BLTP1: variants seen among roughly 807,000 people sequenced by gnomAD.
BLTP1 encodes fragile site-associated protein.
chr4:122,193,829 C>A, the BLTP1 span: 1 of 166,900 alleles, frequency 6.0e-6, no homozygotes, highest in Non-Finnish European at 1.2e-5. Context: ...TGCCATCTAG[C>A]TAGCATTATT....
chr4:122,237,207 C>T, the BLTP1 span: 7 of 985,232 alleles, frequency 7.1e-6, no homozygotes, highest in Admixed American at 6.1e-5. Flanking sequence ...TTGGCTAAAA[C>T]AGGGATGGTA....
chr4:122,250,506 A>G, the BLTP1 span: 4 of 1,613,858 alleles, frequency 2.5e-6, no homozygotes, highest in Non-Finnish European at 3.4e-6. Context: ...GTCTCTGATG[A>G]TAATCTTCCA....
At chr4:122,201,157 GATTT>G in the BLTP1 span, 1 of 1,509,330 alleles carries the variant, frequency 6.6e-7, no homozygotes, top group Non-Finnish European at 9.1e-7. Flanking sequence ...AATACAGTGA[GATTT>G]ATCACAGTGA....
the BLTP1 span, among the ~76,000 whole-genome samples, chr4:122,287,909 A>G: frequency 2.0e-5 from 3 of 152,324 alleles, no homozygotes; most frequent in Admixed American, 1.3e-4. Flanking sequence ...ACTATTATTA[A>G]TGTTCCATTT....
chr4:122,359,779 G>C, the BLTP1 span: 1 of 1,522,468 alleles, frequency 6.6e-7, no homozygotes, highest in East Asian at 2.4e-5. Context: ...TGAGCAAAAA[G>C]TTATGAATAA....
chr4:122,319,944 ATGT>A, the BLTP1 span, among the ~76,000 whole-genome samples: 1 of 152,070 alleles, frequency 6.6e-6, no homozygotes, highest in African/African-American at 2.4e-5. Flanking sequence ...TGTTATTATG[ATGT>A]TGTTAGATGA....
chr4:122,275,882 G>C, the BLTP1 span: 1 of 1,323,306 alleles, frequency 7.6e-7, no homozygotes, highest in East Asian at 2.8e-5. Flanking sequence ...AAGCTTTCCA[G>C]ATGATTGGTC....
chr4:122,164,661 T>C, the BLTP1 span, among the ~76,000 whole-genome samples: 18 of 152,148 alleles, frequency 1.2e-4, no homozygotes, highest in Non-Finnish European at 1.9e-4. Context: ...GATGTGACTA[T>C]ATAGAATTTT....
At chr4:122,262,543 G>A in the BLTP1 span, among the ~76,000 whole-genome samples, 6 of 152,250 alleles carry the variant, frequency 3.9e-5, no homozygotes, top group African/African-American at 1.2e-4. Context: ...GATAATAAAA[G>A]TGGCTCTTTG....
chr4:122,275,924 T>C, the BLTP1 span: 4 of 1,495,812 alleles, frequency 2.7e-6, no homozygotes, highest in Non-Finnish European at 3.5e-6. Flanking sequence ...TGAATGTTTA[T>C]TTGCCTCCTT....
chr4:122,229,172 A>C, the BLTP1 span: 1 of 1,610,606 alleles, frequency 6.2e-7, no homozygotes, highest in Admixed American at 1.7e-5. Flanking sequence ...GAAATATACT[A>C]TGATTCGTTT....
the BLTP1 span, among the ~76,000 whole-genome samples, chr4:122,176,257 C>G: frequency 2.6e-5 from 4 of 151,460 alleles, no homozygotes; most frequent in African/African-American, 9.7e-5. Context: ...GAGCCAAGAT[C>G]GTGCCACTGC....
At chr4:122,359,915 A>T in the BLTP1 span, 21 of 985,284 alleles carry the variant, frequency 2.1e-5, no homozygotes, top group Non-Finnish European at 2.5e-5. Context: ...AATGAAGTAC[A>T]AATGTTGAGA....
the BLTP1 span, chr4:122,187,781 T>C: frequency 5.8e-6 from 7 of 1,202,274 alleles, no homozygotes; most frequent in Non-Finnish European, 7.8e-6. Flanking sequence ...AGTCCTAAAG[T>C]GGAATCATTA....
the BLTP1 span, chr4:122,215,365 A>G: frequency 1.0e-5 from 10 of 982,284 alleles, no homozygotes; most frequent in Non-Finnish European, 1.2e-5. Flanking sequence ...ATTTTTAAAA[A>G]ATAAGAGATC....
chr4:122,271,373 C>G, the BLTP1 span: 1 of 1,613,828 alleles, frequency 6.2e-7, no homozygotes, highest in Non-Finnish European at 8.5e-7. Flanking sequence ...TCGGGACTTT[C>G]GTTCATCTGA....
chr4:122,200,075 A>G, the BLTP1 span: 2 of 959,004 alleles, frequency 2.1e-6, no homozygotes, highest in Non-Finnish European at 2.5e-6. Flanking sequence ...AGATGGTGCC[A>G]TAAGGTTCTT....
chr4:122,197,265 G>T, the BLTP1 span: 1 of 1,487,782 alleles, frequency 6.7e-7, no homozygotes, highest in East Asian at 2.4e-5. Context: ...AATGACAGTT[G>T]AAGAAAATGG....
At chr4:122,215,623 A>C in the BLTP1 span, 21 of 941,930 alleles carry the variant, frequency 2.2e-5, no homozygotes, top group Non-Finnish European at 2.7e-5. Flanking sequence ...ACTGGGGTGG[A>C]ATGTGTATTT....
Sources: gnomAD v4.1 joint callset for allele counts (sites outside exome capture counted in the v4.1 genomes callset) on GRCh38, gnomAD v4.1.1 for gene constraint, MANE v1.5 for transcripts, NCBI Gene and HGNC (gene_info 2026-07-23, HGNC 2026-07-21) for gene names.